ITPR2: variants seen among roughly 807,000 people sequenced by gnomAD.
ITPR2 encodes the protein inositol 1,4,5-trisphosphate receptor type 2.
In ITPR2, 207 loss-of-function variants were observed where a neutral mutation model predicts 317.1. The ratio of observed to expected loss-of-function variants is 0.65; its 90% CI spans 0.58 to 0.73. The LOEUF is 0.73. Ranked by LOEUF, ITPR2 falls within the 30% of genes least tolerant of loss-of-function variation. The pLI, the probability that ITPR2 is intolerant of heterozygous loss-of-function variation, is 0.00. For synonymous variants in ITPR2, 1,156 were observed against 1,149.1 expected, an observed-to-expected ratio of 1.01 and a Z score of -0.12; for missense variants, 2,613 against 3,284.0, an observed-to-expected ratio of 0.80 and a Z score of 4.99.
intron 15 of ITPR2, among the ~76,000 whole-genome samples, chr12:26,662,585 C>A (rs114275611): frequency 0.014 from 2,188 of 152,220 alleles, 53 homozygotes; most frequent in African/African-American, 0.05. Context: ...TTAAGAGAAA[C>A]CCTAATTTAT....
intron 2 of ITPR2, among the ~76,000 whole-genome samples, chr12:26,772,753 T>G (rs1299877396): frequency 1.3e-5 from 2 of 151,580 alleles, no homozygotes; most frequent in Admixed American, 6.6e-5. Flanking sequence ...TTTTCTTTTT[T>G]TACTTTAACT....
intron 1 of ITPR2, among the ~76,000 whole-genome samples, chr12:26,818,300 C>G (rs547279245): frequency 1.3e-5 from 2 of 152,184 alleles, no homozygotes; most frequent in Non-Finnish European, 2.9e-5. Context: ...TTCAGATTCT[C>G]CAATTCTTAA....
intron 22 of ITPR2, among the ~76,000 whole-genome samples, chr12:26,630,303 T>A: frequency 7.0e-6 from 1 of 143,548 alleles, no homozygotes; most frequent in Middle Eastern, 3.5e-3. Context: ...GAAAAACAAG[T>A]GGAAAGTAGA....
At chr12:26,356,557 T>C (rs1328072268) in intron 55 of ITPR2, among the ~76,000 whole-genome samples, 2 of 152,234 alleles carry the variant, frequency 1.3e-5, no homozygotes, top group African/African-American at 4.8e-5. Context: ...ATTACAGCCA[T>C]GAGCCATAGA....
At chr12:26,432,816 C>T (rs192801825) in intron 48 of ITPR2, among the ~76,000 whole-genome samples, 40 of 152,304 alleles carry the variant, frequency 2.6e-4, no homozygotes, top group Middle Eastern at 3.4e-3. Flanking sequence ...GGAGACCTTT[C>T]AAGTTGGATC....
chr12:26,797,169 G>A lies in ITPR2; in HGVS notation c.93-6942C>T, dbSNP rs180977516. Among the ~76,000 whole-genome samples, 9 of 151,912 alleles carry A rather than the reference G, an allele frequency of 5.9e-5. No homozygotes were observed. In the East Asian group the frequency reaches 1.4e-3, roughly 23 times the overall value. ...CATAAAGTTGAGCTTTAAAAAAAGC[G>A]AATCCAAAAACAACAAATGTTATAT... On this transcript the variant is annotated intron_variant, in intron 1 of 56. Transcript: ENST00000381340.
chr12:26,825,861 A>G (rs1951001346), intron 1 of ITPR2, among the ~76,000 whole-genome samples: 1 of 152,230 alleles, frequency 6.6e-6, no homozygotes, highest in Non-Finnish European at 1.5e-5. Context: ...TCAGTATTCA[A>G]GCTTCTGTCA....
chr12:26,678,605 A>T (rs1021211700), intron 13 of ITPR2, among the ~76,000 whole-genome samples: 3 of 152,228 alleles, frequency 2.0e-5, no homozygotes, highest in African/African-American at 7.2e-5. Context: ...TACCTTACTG[A>T]CAGGCAGCTT....
chr12:26,727,969 A>C (rs1188966566), intron 2 of ITPR2, among the ~76,000 whole-genome samples: 1 of 152,174 alleles, frequency 6.6e-6, no homozygotes, highest in African/African-American at 2.4e-5. Context: ...AAGGCAGCGA[A>C]GAATGCTAAG....
At position 26,692,125 on chromosome 12, in the gene ITPR2, G is replaced by T. The variant is rs930476617; in HGVS notation, c.996+3481C>A. 4.6e-5 allele frequency among the ~76,000 whole-genome samples: 7 copies of T among 151,720 alleles called. No homozygotes were observed. In the East Asian group the frequency reaches 1.4e-3, roughly 29 times the overall value. ...TCAGAAGCTGGTACACCGCCCCCCC[G>T]CCAAATTCTATGGACACAGGATTTT... is the stretch of plus-strand genomic sequence containing the variant. On this transcript the variant is annotated intron_variant, in intron 10 of 56. Transcript: ENST00000381340.
At chr12:26,565,519 T>TAGAC (rs1443916468) in intron 34 of ITPR2, among the ~76,000 whole-genome samples, 2 of 135,474 alleles carry the variant, frequency 1.5e-5, no homozygotes, top group East Asian at 2.0e-4. Context: ...GATAGATAGA[T>TAGAC]AGATAGATAG....
chr12:26,785,171 T>G (rs1172333976), intron 2 of ITPR2, among the ~76,000 whole-genome samples: 7 of 22,118 alleles, frequency 3.2e-4, no homozygotes, highest in African/African-American at 6.9e-4. Flanking sequence ...GGGAGGGAGG[T>G]GGGGGGGGGT....
intron 2 of ITPR2, among the ~76,000 whole-genome samples, chr12:26,776,670 C>A (rs1350406573): frequency 1.3e-5 from 2 of 152,140 alleles, no homozygotes; most frequent in African/African-American, 2.4e-5. Flanking sequence ...AAACATCTTC[C>A]CCATCCCCAG....
intron 2 of ITPR2, among the ~76,000 whole-genome samples, chr12:26,784,917 CA>C: frequency 1.9e-5 from 1 of 52,694 alleles, no homozygotes; most frequent in Non-Finnish European, 4.7e-5. Context: ...TCCCCGCCGC[CA>C]TCCCATCTAG....
At chr12:26,756,018 G>C (rs1389980095) in intron 2 of ITPR2, among the ~76,000 whole-genome samples, 4 of 152,086 alleles carry the variant, frequency 2.6e-5, no homozygotes, top group Non-Finnish European at 5.9e-5. Flanking sequence ...TCCTTCTATG[G>C]AACAGAGTTC....
Position 26,385,339 on chromosome 12 carries a change from C to T in ITPR2, c.7857+2095G>A, listed in dbSNP as rs77672374. ...AAAGATACCTTCTGAAATGACCCAC[C>T]GCCTTTCTCCCAATGACCAGGCACA... On this transcript the variant is annotated intron_variant, in intron 55 of 56. Transcript: ENST00000381340. 4.5e-4 allele frequency among the ~76,000 whole-genome samples: 69 copies of T among 152,258 alleles called. No homozygotes were observed. The East Asian group carries it at 0.012, about 26-fold the overall frequency.
intron 24 of ITPR2, among the ~76,000 whole-genome samples, chr12:26,622,872 A>ATGAG (rs1260150371): frequency 6.6e-6 from 1 of 152,216 alleles, no homozygotes; most frequent in African/African-American, 2.4e-5. Flanking sequence ...GGTGTGGCGT[A>ATGAG]TGAGGACTCT....
At chr12:26,828,770 G>C (rs1201241052) in intron 1 of ITPR2, among the ~76,000 whole-genome samples, 2 of 152,142 alleles carry the variant, frequency 1.3e-5, no homozygotes, top group East Asian at 1.9e-4. Context: ...TTTAAATTAG[G>C]ATAAAGTAGC....
intron 32 of ITPR2, among the ~76,000 whole-genome samples, chr12:26,589,833 C>CATATAT (rs796334245): frequency 3.0e-5 from 1 of 32,896 alleles, no homozygotes; most frequent in East Asian, 3.1e-4. Flanking sequence ...AATAAATAAA[C>CATATAT]ATATATATAT....
Sources: gnomAD v4.1 joint callset for allele counts (sites outside exome capture counted in the v4.1 genomes callset) on GRCh38, gnomAD v4.1.1 for gene constraint, MANE v1.5 for transcripts, NCBI Gene and HGNC (gene_info 2026-07-23, HGNC 2026-07-21) for gene names.